Variants in PRKAG2 observed in about 807,000 individuals in gnomAD.
The protein encoded by PRKAG2 is protein kinase AMP-activated non-catalytic subunit gamma 2, also known as 5'-AMP-activated protein kinase subunit gamma-2.
PRKAG2 carries 26 observed loss-of-function variants against 69.6 expected under a neutral mutation model. The ratio of observed to expected loss-of-function variants is 0.37; its 90% confidence interval spans 0.27 to 0.52. PRKAG2 has a LOEUF of 0.52. PRKAG2 is among the 20% of genes least tolerant of loss of function. PRKAG2 has a pLI of 0.90. For missense variants in PRKAG2, 557 were observed against 740.0 expected (o/e 0.75, Z 2.87); for synonymous variants, 293 against 285.0 (o/e 1.03, Z -0.28).
chr7:151,651,149 A>G (rs1828427357), intron 4 of PRKAG2, among the ~76,000 whole-genome samples: 1 of 152,170 alleles, frequency 6.6e-6, no homozygotes, highest in Non-Finnish European at 1.5e-5. Flanking sequence ...ATACTTAGAG[A>G]TTTCTCTGGG....
intron 2 of PRKAG2, among the ~76,000 whole-genome samples, chr7:151,785,117 C>T (rs569600322): frequency 1.3e-5 from 2 of 152,376 alleles, no homozygotes; most frequent in South Asian, 4.1e-4. Flanking sequence ...CAAGTGTGTG[C>T]CTGGCTCCGC....
intron 1 of PRKAG2, among the ~76,000 whole-genome samples, chr7:151,875,110 CAAG>C (rs2151918311): frequency 1.3e-5 from 2 of 152,338 alleles, no homozygotes; most frequent in Admixed American, 1.3e-4. Context: ...GAGATGTAAA[CAAG>C]AATGTTTCAT....
chr7:151,669,814 ACAC>A (rs1831590587), intron 4 of PRKAG2, among the ~76,000 whole-genome samples: 1 of 124,566 alleles, frequency 8.0e-6, no homozygotes, highest in Non-Finnish European at 1.7e-5. Context: ...TTGCACACAC[ACAC>A]ACCTGTGCAC....
At position 151,559,003 on chromosome 7, in the gene PRKAG2, C is replaced by T. The variant is rs533545398; in HGVS notation, c.1678+1521G>A. The T allele has an allele frequency of 4.4e-5, 43 of 985,422 alleles. No homozygotes were observed. The South Asian group carries it at 1.7e-3, about 40-fold the overall frequency. 61.0% of individuals were successfully genotyped at this position (985,422 alleles called of 1,614,324 possible). On this transcript the variant is annotated intron_variant, in intron 15 of 15. Coordinates refer to ENST00000287878, the MANE Select transcript of PRKAG2 (RefSeq NM_016203.4). Reference sequence around the variant, plus strand: ...CTGACCCGCTGGGCAGACTGTGTCCCGTGGTCCAGGGCTGGAAACGGGGCA... The same window carrying T: ...CTGACCCGCTGGGCAGACTGTGTCCTGTGGTCCAGGGCTGGAAACGGGGCA...
In PRKAG2 at chr7:151,779,753, TC is replaced by T. The variant is rs1418479418; in HGVS notation, c.466+1398del. The stretch of plus-strand genomic sequence containing the variant: ...ATTCAATCTACACAACATCGCAAGT[TC>T]CCCAACAAGGCAAACTGCGCACACA... On this transcript the variant is annotated intron_variant, in intron 3 of 15. Coordinates refer to ENST00000287878, the MANE Select transcript of PRKAG2 (RefSeq NM_016203.4). 7.2e-5 allele frequency among the ~76,000 whole-genome samples: 11 copies of T among 152,258 alleles called. No homozygotes were observed. In the East Asian group the frequency reaches 2.1e-3, roughly 29 times the overall value.
Position 151,723,142 on chromosome 7 carries a change from A to C in PRKAG2, c.467-47505T>G, listed in dbSNP as rs939042046. 7.5e-4 allele frequency among the ~76,000 whole-genome samples: 114 copies of C among 152,306 alleles called. 2 individuals carry two copies. Among genetic ancestry groups the C allele is most frequent in the African/African-American group, 2.6e-3 (110 of 41,570 alleles). On this transcript the variant is annotated intron_variant, in intron 3 of 15. Coordinates refer to ENST00000287878, the MANE Select transcript of PRKAG2 (RefSeq NM_016203.4). ...TTGTGCATCTCCTGGGCTGAATGTCAGTTTAGAATCAGTGTTCTGTCACCT... is the reference window on the plus strand; with the variant it reads ...TTGTGCATCTCCTGGGCTGAATGTCCGTTTAGAATCAGTGTTCTGTCACCT...
rs60896725 is a variant in PRKAG2, at chr7:151,817,537, T to C, written c.115-30996A>G. 5.1e-3 allele frequency among the ~76,000 whole-genome samples: 779 copies of C among 152,120 alleles called. 7 individuals are homozygous for C. Among genetic ancestry groups the C allele is most frequent in the African/African-American group, 0.018 (746 of 41,496 alleles). On this transcript the variant is annotated intron_variant, in intron 1 of 15. Transcript: ENST00000287878. ...CACACCCCCAGGCTTCCCAAGGCTG[T>C]CAGGCCTCATGACCCTTGGGCCCCG...
At chr7:151,615,866 C>T (rs753787640) in intron 5 of PRKAG2, among the ~76,000 whole-genome samples, 2 of 152,234 alleles carry the variant, frequency 1.3e-5, no homozygotes, top group African/African-American at 4.8e-5. Flanking sequence ...CCTTGATTCT[C>T]TAATGATGTT....
chr7:151,585,516 G>A (rs2151086248), intron 6 of PRKAG2, among the ~76,000 whole-genome samples: 1 of 152,206 alleles, frequency 6.6e-6, no homozygotes, highest in South Asian at 2.1e-4. Flanking sequence ...TGTGTGGCAG[G>A]GCTTGCCATT....
chr7:151,875,280 GC>G (rs34252931), intron 1 of PRKAG2, among the ~76,000 whole-genome samples: 24,031 of 152,222 alleles, frequency 0.16, 2,055 homozygotes, highest in East Asian at 0.24. Context: ...CTGGAGACCC[GC>G]CCCTGGACTC....
chr7:151,591,228 T>C (rs1444101003), intron 6 of PRKAG2, among the ~76,000 whole-genome samples: 1 of 152,260 alleles, frequency 6.6e-6, no homozygotes, highest in African/African-American at 2.4e-5. Context: ...CTTTTCTCTA[T>C]ACCAATCTAC....
intron 6 of PRKAG2, among the ~76,000 whole-genome samples, chr7:151,594,617 TATC>T (rs1277286910): frequency 6.6e-6 from 1 of 152,228 alleles, no homozygotes; most frequent in Admixed American, 6.5e-5. Context: ...ATTTCAAATT[TATC>T]ATATGTTCTA....
intron 1 of PRKAG2, among the ~76,000 whole-genome samples, chr7:151,805,991 G>A (rs1407508049): frequency 6.6e-6 from 1 of 152,240 alleles, no homozygotes; most frequent in Non-Finnish European, 1.5e-5. Flanking sequence ...CTGAGGTCAG[G>A]AGTTCTAGAC....
intron 3 of PRKAG2, among the ~76,000 whole-genome samples, chr7:151,709,828 CTG>C (rs968000338): frequency 6.6e-6 from 1 of 151,994 alleles, no homozygotes; most frequent in African/African-American, 2.4e-5. Context: ...ATGTGTGATG[CTG>C]TGAGTGATGT....
chr7:151,729,330 G>A (rs2151673253), intron 3 of PRKAG2, among the ~76,000 whole-genome samples: 1 of 151,668 alleles, frequency 6.6e-6, no homozygotes, highest in East Asian at 2.0e-4. Context: ...ACCCCTAGGA[G>A]TCTTCTGTTT....
chr7:151,772,603 G>A (rs2076071658), intron 3 of PRKAG2, among the ~76,000 whole-genome samples: 2 of 152,152 alleles, frequency 1.3e-5, no homozygotes, highest in Non-Finnish European at 2.9e-5. Flanking sequence ...CTTCTAGAAA[G>A]GCCTGACATC....
Position 151,570,224 on chromosome 7 carries a change from C to T in PRKAG2, c.1053G>A (p.Glu351=), listed in dbSNP as rs767902787. The T allele has an allele frequency of 7.5e-6, 12 of 1,602,084 alleles. No individual in the cohort carries two copies. In the South Asian group the frequency reaches 9.9e-5, roughly 13 times the overall value. The change falls in exon 10 of 16, where the codon GAG becomes GAA. Residue 351 remains glutamate (E), a splice_region_variant and synonymous_variant. Transcript: ENST00000287878. The part of the protein sequence containing the change: ...LEEHKIETWR[E]LYLQETFKPL... ...GCTTAAATGTTTCTTGTAAATAAAG[C>T]TCTGTATTTATAGAAAGAAAATATG...
intron 6 of PRKAG2, among the ~76,000 whole-genome samples, chr7:151,588,707 C>A (rs1460216400): frequency 6.7e-6 from 1 of 149,488 alleles, no homozygotes; most frequent in Non-Finnish European, 1.5e-5. Context: ...GCTCTCTCTG[C>A]TTGCCGCCAT....
rs1277595377 is a variant in PRKAG2 at position 151,559,495 on chromosome 7, T to C, written c.1678+1029A>G. The C allele has an allele frequency of 4.1e-6, 4 of 982,602 alleles. No individual in the cohort carries two copies. In the African/African-American group the frequency reaches 5.3e-5, roughly 13 times the overall value. The allele number at this position is 982,602 out of a possible 1,614,324, so 60.9% of individuals were successfully genotyped here. The stretch of plus-strand genomic sequence containing the variant: ...CCAACATGAACATTTCATTTTCTAG[T>C]AAATTCCAGGTGGTGGTGATGATGC... On this transcript the variant is annotated intron_variant, in intron 15 of 15. Transcript: ENST00000287878.
Sources: allele counts gnomAD v4.1 joint callset (sites outside exome capture counted in the v4.1 genomes callset), GRCh38; gene constraint gnomAD v4.1.1; transcripts MANE v1.5; gene names NCBI Gene and HGNC (gene_info 2026-07-23, HGNC 2026-07-21).